PITPNM1: variants seen among roughly 807,000 people sequenced by gnomAD.
The protein encoded by PITPNM1 is phosphatidylinositol transfer protein membrane associated 1, also known as membrane-associated phosphatidylinositol transfer protein 1.
In PITPNM1, 74 loss-of-function variants were observed where a neutral mutation model predicts 133.3. The observed-to-expected ratio is 0.56, with a 90% CI of 0.46 to 0.67. The LOEUF (loss-of-function observed/expected upper bound fraction) is 0.67, where lower values mean the gene tolerates loss of function less well. Among genes scored for constraint, PITPNM1 ranks in the 30% least tolerant of loss-of-function variants. The probability of loss-of-function intolerance (pLI) is 0.00; values close to 1 mark genes in which losing one functional copy is unlikely to be tolerated. For synonymous variants in PITPNM1, 738 were observed against 741.4 expected (o/e 1.00, Z 0.08); for missense variants, 1,398 against 1,739.5 (o/e 0.80, Z 3.49).
Position 67,491,858 on chromosome 11 carries a change from C to T in PITPNM1, c.*175G>A. 1.4e-6 allele frequency: 1 copy of T among 692,002 alleles called. No homozygotes were observed. The highest frequency in any genetic ancestry group is 2.4e-6 in the Non-Finnish European group (1 of 424,230). 42.9% of individuals were successfully genotyped at this position (692,002 alleles called of 1,614,324 possible). ...CACGCCCTCCTCCCTCCCCCCGGCG[C>T]TGGGTCCCCTCATATGAAAGGGAAG... is the stretch of plus-strand genomic sequence containing the variant. On this transcript the variant is annotated 3_prime_UTR_variant, in exon 24 of 24. Coordinates refer to ENST00000356404, the MANE Select transcript of PITPNM1 (RefSeq NM_004910.3).
chr11:67,497,535 C>G lies in PITPNM1; in HGVS notation c.1927G>C (p.Gly643Arg), dbSNP rs1227081698. The G allele has an allele frequency of 6.2e-7, 1 of 1,608,674 alleles. No homozygotes were observed. The highest frequency in any genetic ancestry group is 8.5e-7 in the Non-Finnish European group (1 of 1,178,410). Residue 643 changes from glycine (G) to arginine (R), a missense_variant, in exon 13 of 24, where the codon GGC becomes CGC. Physicochemically the swap from Gly to Arg is moderately radical, Grantham distance 125. Around this residue, in one of 5 missense-constraint regions of PITPNM1, gnomAD observed 574 missense variants for 698.7 expected, o/e 0.82. Coordinates refer to ENST00000356404, the MANE Select transcript of PITPNM1 (RefSeq NM_004910.3). ...CAGGGACGTCACCTGTTCTGAGAGC[C>G]CTCGGGCTCAGGACTGGCCATGTCG... Reference protein sequence around the residue: ...PSDMASPEPEGSQNSLQAAPA... With the variant: ...PSDMASPEPERSQNSLQAAPA...
At position 67,499,945 on chromosome 11, in the gene PITPNM1, G is replaced by T; in HGVS notation, c.1032C>A (p.Asn344Lys). ...RMQNIARDSE[N>K]SSEEEFFDAH... ...CATCAAAGAACTCTTCCTCGGAGCT[G>T]TTCTCAGAGTCTCGGGCAATGTTCT... The change falls in exon 7 of 24, where the codon AAC becomes AAA. Residue 344 changes from asparagine to lysine, a missense_variant. This residue lies in a region of PITPNM1 where 195 missense variants were observed against 178.8 expected (regional missense o/e 1.09). Coordinates refer to ENST00000356404, the MANE Select transcript of PITPNM1 (RefSeq NM_004910.3). 1 of 1,612,512 alleles carries T rather than the reference G, an allele frequency of 6.2e-7. No individual in the cohort carries two copies. The highest frequency in any genetic ancestry group is 8.5e-7 in the Non-Finnish European group (1 of 1,179,804).
At chr11:67,493,892 T>C in intron 20 of PITPNM1, 30 bp downstream of exon 20, 1 of 1,529,206 alleles carries the variant, frequency 6.5e-7, no homozygotes, top group East Asian at 2.4e-5. Context: ...GGCGGAGCCC[T>C]CCCGCAGAGG....
intron 15 of PITPNM1, 140 bp from the exon 16 acceptor site, chr11:67,495,742 C>A: frequency 1.2e-6 from 1 of 813,110 alleles, no homozygotes; most frequent in Non-Finnish European, 1.8e-6. Flanking sequence ...GGCATTCTCT[C>A]CTCTCAGCCC....
Position 67,502,625 on chromosome 11 carries a change from A to T in PITPNM1, c.172T>A (p.Tyr58Asn). 6.2e-7 allele frequency: 1 copy of T among 1,613,516 alleles called. No individual in the cohort carries two copies. The highest frequency in any genetic ancestry group is 8.5e-7 in the Non-Finnish European group (1 of 1,180,006). ...YTDGPGGSGQ[Y>N]THKVYHVGSH... is the part of the protein sequence containing the mutation. ...CCCACGTGGTACACCTTGTGTGTGT[A>T]TTGCCCGCTGCCCCCGGGCCCATCC... The change falls in exon 3 of 24, where the codon TAC (tyrosine) becomes AAC (asparagine). Residue 58 changes from tyrosine (Y) to asparagine (N), a missense_variant. Around this residue, in one of 5 missense-constraint regions of PITPNM1, gnomAD observed 274 missense variants for 360.7 expected, o/e 0.76. Transcript: ENST00000356404. This position sits in a 1 kb window ranked among gnomAD's most constrained non-coding sequence, Gnocchi z 5.9.
chr11:67,496,355 C>T lies in PITPNM1; in HGVS notation c.2147-7G>A. 6.4e-7 allele frequency: 1 copy of T among 1,568,370 alleles called. No homozygotes were observed. On this transcript the variant is annotated splice_region_variant and splice_polypyrimidine_tract_variant and intron_variant, in intron 14 of 23. Transcript: ENST00000356404. The stretch of plus-strand genomic sequence containing the variant: ...GCTGGGCGCATCTGGGCTGCTGGTA[C>T]CCAGAAGACAGAGAAAGATTGTGGG...
chr11:67,497,466 C>T (rs1370318551), intron 13 of PITPNM1, 30 bp from the exon 14 acceptor site: 2 of 1,594,564 alleles, frequency 1.3e-6, no homozygotes, highest in Non-Finnish European at 1.7e-6. Flanking sequence ...CTCAGTGCTG[C>T]TGCCTCTGTA....
chr11:67,496,217 G>A lies in PITPNM1; in HGVS notation c.2278C>T (p.Gln760Ter). 6.5e-7 allele frequency: 1 copy of A among 1,548,662 alleles called. No individual in the cohort carries two copies. The highest frequency in any genetic ancestry group is 8.7e-7 in the Non-Finnish European group (1 of 1,153,182). Residue 760 changes from glutamine (Q) to a stop codon, truncating the protein, a stop_gained, in exon 15 of 24, where the codon CAG becomes TAG. Transcript: ENST00000356404. LOFTEE classifies it high-confidence loss of function. ...AIAPLTVPRY[Q>*]KFPLGDGSSL... ...GAGCCATCTCCCAGGGGGAACTTCTGGTAGCGGGGCACGGTCAGTGGGGCG... is the reference window on the plus strand; with the variant it reads ...GAGCCATCTCCCAGGGGGAACTTCTAGTAGCGGGGCACGGTCAGTGGGGCG...
chr11:67,500,112 T>G lies in PITPNM1; in HGVS notation c.950A>C (p.Tyr317Ser). 3.8e-6 allele frequency: 6 copies of G among 1,594,168 alleles called. No individual in the cohort carries two copies. The highest frequency in any genetic ancestry group is 5.1e-6 in the Non-Finnish European group (6 of 1,167,822). Reference protein sequence around the residue: ...KQWSSSSRSSYSSQHGGAVSP... With the variant: ...KQWSSSSRSSSSSQHGGAVSP... ...AGCCTCACCTCCATGTTGGGATGAG[T>G]AGGAGGAACGGGAGGATGAGGACCA... Residue 317 changes from tyrosine to serine, a missense_variant, in exon 6 of 24, where the codon TAC becomes TCC. Coordinates refer to ENST00000356404, the MANE Select transcript of PITPNM1 (RefSeq NM_004910.3).
chr11:67,501,650 C>A (rs1474064224), intron 5 of PITPNM1, among the ~76,000 whole-genome samples: 14 of 152,194 alleles, frequency 9.2e-5, no homozygotes, highest in Admixed American at 9.2e-4. Context: ...AATGTCAGAG[C>A]CAGTATGGAC....
intron 8 of PITPNM1, among the ~76,000 whole-genome samples, chr11:67,499,353 T>C (rs1866237533): frequency 6.6e-6 from 1 of 151,558 alleles, no homozygotes; most frequent in Admixed American, 6.6e-5. Flanking sequence ...CTAACCCCAT[T>C]TTCAGTGCCT....
chr11:67,493,713 G>A lies in PITPNM1; in HGVS notation c.3133C>T (p.Arg1045Ter). Residue 1045 changes from arginine (R) to a stop codon, truncating the protein, a stop_gained, in exon 21 of 24, where the codon CGA (arginine) becomes TGA (stop). Coordinates refer to ENST00000356404, the MANE Select transcript of PITPNM1 (RefSeq NM_004910.3). LOFTEE classifies it high-confidence loss of function. ...VSIMGSDPKV[R>*]AGAVDVVRHW... ...CTGACCACGTCCACGGCGCCAGCTC[G>A]CACCTTGGGGTCGCTGCCCATGATG... The A allele has an allele frequency of 3.9e-6, 6 of 1,547,310 alleles. No homozygotes were observed. Among genetic ancestry groups the A allele is most frequent in the Non-Finnish European group, 4.4e-6 (5 of 1,147,012 alleles).
Position 67,494,361 on chromosome 11 carries a change from C to G in PITPNM1, c.2743-1G>C. The G allele has an allele frequency of 6.3e-7, 1 of 1,597,836 alleles. No individual in the cohort carries two copies. Among genetic ancestry groups the G allele is most frequent in the Non-Finnish European group, 8.5e-7 (1 of 1,172,234 alleles). On this transcript the variant is annotated splice_acceptor_variant, in intron 18 of 23. Coordinates refer to ENST00000356404, the MANE Select transcript of PITPNM1 (RefSeq NM_004910.3). LOFTEE classifies it high-confidence loss of function. ...TCGCCCGGTGGTTGGAAGTGACGTT[C>G]TAGAGGGAGGAGAGGGCGTGAGTCC...
In PITPNM1 at chr11:67,502,268, T is replaced by TC. The variant is rs1421783218; in HGVS notation, c.415+23dup. ...CAGGAGCCTGAGAGGGGCGCCAGGG[T>TC]CCCCCCATAGCTCCAGGCCTCACCC... On this transcript the variant is annotated intron_variant, in intron 4 of 23. Coordinates refer to ENST00000356404, the MANE Select transcript of PITPNM1 (RefSeq NM_004910.3). The surrounding 1 kb of genome is among the most constrained non-coding windows in gnomAD (Gnocchi z 5.9). 2.5e-6 allele frequency: 4 copies of TC among 1,605,440 alleles called. No homozygotes were observed. The highest frequency in any genetic ancestry group is 3.4e-6 in the Non-Finnish European group (4 of 1,175,918).
chr11:67,500,290 T>G lies in PITPNM1; in HGVS notation c.772A>C (p.Lys258Gln), dbSNP rs1237100430. Residue 258 changes from lysine (K) to glutamine (Q), a missense_variant, in exon 6 of 24, where the codon AAG (lysine) becomes CAG (glutamine). Lys to Gln is a moderately conservative substitution (Grantham distance 53). Around this residue, in one of 5 missense-constraint regions of PITPNM1, gnomAD observed 274 missense variants for 360.7 expected, o/e 0.76. Transcript: ENST00000356404. The part of the protein sequence containing the change: ...TARMLAQRMA[K>Q]CNTGSEGSEA... The stretch of plus-strand genomic sequence containing the variant: ...GACCCCTCACTGCCTGTGTTGCACT[T>G]GGCCATGCGCTGGGCCAGCATGCGA... 1 of 1,610,604 alleles carries G rather than the reference T, an allele frequency of 6.2e-7. No homozygotes were observed. The highest frequency in any genetic ancestry group is 8.5e-7 in the Non-Finnish European group (1 of 1,179,890).
chr11:67,495,651 T>C (rs1591055975), intron 15 of PITPNM1, 49 bp from the exon 16 acceptor site: 1 of 1,488,654 alleles, frequency 6.7e-7, no homozygotes, highest in African/African-American at 1.4e-5. Context: ...GTGGCTCTCC[T>C]GTCTTCTCAC....
At chr11:67,496,845 G>C (rs1866136047) in intron 14 of PITPNM1, 1 of 191,986 alleles carries the variant, frequency 5.2e-6, no homozygotes, top group African/African-American at 2.3e-5. Context: ...TGCTGAGGTA[G>C]GAGAATCACT....
rs199986706 is a variant in PITPNM1, at chr11:67,498,335, G to A, written c.1485-13C>T. The stretch of plus-strand genomic sequence containing the variant: ...GTAAGGGCTCAGGCTGTAGGAGGGG[G>A]AAATGTGCGTGGGTGAGGGGCTTCC... On this transcript the variant is annotated splice_polypyrimidine_tract_variant and intron_variant, in intron 10 of 23. Coordinates refer to ENST00000356404, the MANE Select transcript of PITPNM1 (RefSeq NM_004910.3). The surrounding 1 kb of genome is among the most constrained non-coding windows in gnomAD (Gnocchi z 5.7). The A allele has an allele frequency of 1.3e-6, 2 of 1,548,356 alleles. No individual in the cohort carries two copies. The highest frequency in any genetic ancestry group is 2.3e-5 in the East Asian group (1 of 44,004).
chr11:67,491,846 C>G lies in PITPNM1; in HGVS notation c.*187G>C. On this transcript the variant is annotated 3_prime_UTR_variant, in exon 24 of 24. Transcript: ENST00000356404. ...TGCGCCCATGCCCACGCCCTCCTCC[C>G]TCCCCCCGGCGCTGGGTCCCCTCAT... 4 of 652,470 alleles carry G rather than the reference C, an allele frequency of 6.1e-6. No homozygotes were observed. The highest frequency in any genetic ancestry group is 6.0e-5 in the South Asian group (3 of 50,312). The allele number at this position is 652,470 out of a possible 1,614,324, so 40.4% of individuals were successfully genotyped here.
Sources: gnomAD v4.1 joint callset for allele counts (sites outside exome capture counted in the v4.1 genomes callset) on GRCh38, gnomAD v4.1.1 for gene constraint, gnomAD v4.1.1 regional missense constraint, Gnocchi (gnomAD v3.1) non-coding constraint, MANE v1.5 for transcripts, NCBI Gene and HGNC (gene_info 2026-07-23, HGNC 2026-07-21) for gene names.